The following CCSER1 variants were observed in gnomAD, a reference collection of about 807,000 sequenced individuals.
CCSER1 encodes coiled-coil serine rich protein 1, also known as serine-rich coiled-coil domain-containing protein 1.
CCSER1 carries 41 observed loss-of-function variants against 82.0 expected under a neutral mutation model. That is an observed-to-expected ratio of 0.50 (90% CI 0.39 to 0.65). The LOEUF is 0.65. Among genes scored for constraint, CCSER1 ranks in the 30% least tolerant of loss-of-function variants. The pLI is 0.00. For synonymous variants in CCSER1, 414 were observed against 383.9 expected, an observed-to-expected ratio of 1.08 and a Z score of -0.92; for missense variants, 1,119 against 1,064.2, an observed-to-expected ratio of 1.05 and a Z score of -0.72.
rs1253578615 is a variant in CCSER1 at position 91,051,893 on chromosome 4, T to C, written c.2173-34057T>C. On this transcript the variant is annotated intron_variant, in intron 9 of 10. Coordinates refer to ENST00000509176, the MANE Select transcript of CCSER1 (RefSeq NM_001145065.2). ...GACAGGCAAAACAACTTACTAGCAG[T>C]AATATCTTATCATTCATCTTCTGCA... is the stretch of plus-strand genomic sequence containing the variant. Among the ~76,000 whole-genome samples, 5 of 152,128 alleles carry C rather than the reference T, an allele frequency of 3.3e-5. No homozygotes were observed. The East Asian group carries it at 9.6e-4, about 29-fold the overall frequency.
intron 1 of CCSER1, among the ~76,000 whole-genome samples, chr4:90,220,339 G>A (rs1381037769): frequency 1.3e-5 from 2 of 151,904 alleles, no homozygotes; most frequent in Non-Finnish European, 2.9e-5. Flanking sequence ...CATCACATTA[G>A]CACTTATCTC....
chr4:90,223,943 C>T (rs766624745), intron 1 of CCSER1, among the ~76,000 whole-genome samples: 3 of 152,148 alleles, frequency 2.0e-5, no homozygotes, highest in Non-Finnish European at 2.9e-5. Flanking sequence ...TCTTTTTCAT[C>T]TTTGTATCTC....
At chr4:90,633,808 A>G (rs1724920847) in intron 6 of CCSER1, among the ~76,000 whole-genome samples, 1 of 151,892 alleles carries the variant, frequency 6.6e-6, no homozygotes, top group South Asian at 2.1e-4. Context: ...AAGAATTAAT[A>G]ATCTGAATGG....
intron 10 of CCSER1, among the ~76,000 whole-genome samples, chr4:91,254,925 C>A (rs917485689): frequency 4.0e-5 from 6 of 151,866 alleles, no homozygotes; most frequent in Non-Finnish European, 8.8e-5. Flanking sequence ...TCCTTCTTTC[C>A]CTCAGTCTCT....
intron 8 of CCSER1, among the ~76,000 whole-genome samples, chr4:90,885,788 T>C (rs897984140): frequency 1.3e-5 from 2 of 152,316 alleles, no homozygotes. Flanking sequence ...AATCATCAAC[T>C]GTTACAGCAA....
chr4:90,748,795 G>C (rs1273823868), intron 7 of CCSER1, among the ~76,000 whole-genome samples: 1 of 150,166 alleles, frequency 6.7e-6, no homozygotes, highest in Non-Finnish European at 1.5e-5. Context: ...CAGTGATGAT[G>C]AGCATTTTTT....
chr4:90,998,591 T>A (rs1286596236), intron 9 of CCSER1, among the ~76,000 whole-genome samples: 1 of 152,208 alleles, frequency 6.6e-6, no homozygotes, highest in Admixed American at 6.5e-5. Flanking sequence ...ATGAAATACA[T>A]AAAATTTATT....
intron 5 of CCSER1, among the ~76,000 whole-genome samples, chr4:90,601,641 C>CT (rs139381288): frequency 0.23 from 33,623 of 143,750 alleles, 4,359 homozygotes; most frequent in East Asian, 0.36. Context: ...AGCTGGATGG[C>CT]TTTTTTTTTT....
intron 5 of CCSER1, among the ~76,000 whole-genome samples, chr4:90,623,845 TAAAC>T (rs1486215583): frequency 6.6e-6 from 1 of 152,202 alleles, no homozygotes; most frequent in Non-Finnish European, 1.5e-5. Context: ...GGTAGGTCCT[TAAAC>T]AGATAGTTTC....
intron 9 of CCSER1, among the ~76,000 whole-genome samples, chr4:91,049,686 C>A (rs989602772): frequency 6.6e-6 from 1 of 152,132 alleles, no homozygotes; most frequent in Admixed American, 6.5e-5. Context: ...CATCTCTGCA[C>A]AAATGACCCA....
chr4:91,390,482 A>G (rs76357680), intron 10 of CCSER1, among the ~76,000 whole-genome samples: 2,551 of 152,036 alleles, frequency 0.017, 52 homozygotes, highest in African/African-American at 0.056. Flanking sequence ...AAAGAAAGGT[A>G]TCACTCTGTG....
chr4:91,064,667 A>G (rs1744216802), intron 9 of CCSER1, among the ~76,000 whole-genome samples: 1 of 152,226 alleles, frequency 6.6e-6, no homozygotes, highest in African/African-American at 2.4e-5. Flanking sequence ...TCAGGCTGAT[A>G]CAGCTAATTC....
intron 6 of CCSER1, among the ~76,000 whole-genome samples, chr4:90,712,485 T>A (rs1740814572): frequency 6.6e-6 from 1 of 151,876 alleles, no homozygotes; most frequent in African/African-American, 2.4e-5. Flanking sequence ...ATTTCTAGTT[T>A]GGGCTGTGGT....
In CCSER1 at chr4:90,461,288, C is replaced by G. The variant is rs917901908; in HGVS notation, c.1604-6946C>G. Among the ~76,000 whole-genome samples the G allele has an allele frequency of 9.6e-5, 14 of 146,024 alleles. 2 individuals are homozygous for G. The highest frequency in any genetic ancestry group is 8.0e-4 in the Admixed American group (12 of 14,966). ...CACCGTTTTTTAGCCGGGATGGTCT[C>G]GATCTCCTGACCTCGTGATCCGCCC... On this transcript the variant is annotated intron_variant, in intron 4 of 10. Coordinates refer to ENST00000509176, the MANE Select transcript of CCSER1 (RefSeq NM_001145065.2).
At chr4:91,333,751 A>G (rs892942284) in intron 10 of CCSER1, among the ~76,000 whole-genome samples, 5 of 152,074 alleles carry the variant, frequency 3.3e-5, no homozygotes, top group Admixed American at 6.6e-5. Context: ...ATGTATTTAT[A>G]GTTTTTAAAA....
chr4:91,076,174 A>G (rs1191198237), intron 9 of CCSER1, among the ~76,000 whole-genome samples: 1 of 152,078 alleles, frequency 6.6e-6, no homozygotes, highest in African/African-American at 2.4e-5. Context: ...CAGCTCTCAA[A>G]TTCTTGTCAT....
intron 1 of CCSER1, among the ~76,000 whole-genome samples, chr4:90,281,319 T>G (rs1728810241): frequency 6.6e-6 from 1 of 151,830 alleles, no homozygotes; most frequent in Admixed American, 6.6e-5. Flanking sequence ...GACAGGGTTT[T>G]TCGTAGGGAC....
chr4:91,235,001 C>A (rs1738895744), intron 10 of CCSER1, among the ~76,000 whole-genome samples: 1 of 151,940 alleles, frequency 6.6e-6, no homozygotes, highest in African/African-American at 2.4e-5. Flanking sequence ...ACTCTCCAGT[C>A]AGGCTTTGAA....
chr4:90,708,946 A>G (rs575367128), intron 6 of CCSER1, among the ~76,000 whole-genome samples: 3 of 152,300 alleles, frequency 2.0e-5, no homozygotes, highest in South Asian at 4.1e-4. Flanking sequence ...TTGATAATAT[A>G]TGTGAAGCTA....
Sources: allele counts gnomAD v4.1 joint callset (sites outside exome capture counted in the v4.1 genomes callset), GRCh38; gene constraint gnomAD v4.1.1; transcripts MANE v1.5; gene names NCBI Gene and HGNC (gene_info 2026-07-23, HGNC 2026-07-21).